The following HPS3 variants were observed in gnomAD, a reference collection of about 807,000 sequenced individuals.
The protein encoded by HPS3 is BLOC-2 complex member HPS3.
In HPS3, 79 loss-of-function variants were observed where a neutral mutation model predicts 110.9. The ratio of observed to expected loss-of-function variants is 0.71; its 90% CI spans 0.59 to 0.86. The LOEUF is 0.86. Among genes scored for constraint, HPS3 ranks in the 40% least tolerant of loss-of-function variants. The pLI is 0.00. For synonymous variants in HPS3, 428 were observed against 451.0 expected (o/e 0.95, Z 0.65); for missense variants, 1,197 against 1,206.2 (o/e 0.99, Z 0.11).
intron 6 of HPS3, among the ~76,000 whole-genome samples, chr3:149,151,172 T>G (rs1446384191): frequency 6.8e-6 from 1 of 147,336 alleles, no homozygotes; most frequent in African/African-American, 2.5e-5. Flanking sequence ...CATGCCCTGC[T>G]GATTCTTTTT....
At chr3:149,142,933 C>T (rs1466167886) in intron 4 of HPS3, among the ~76,000 whole-genome samples, 1 of 152,108 alleles carries the variant, frequency 6.6e-6, no homozygotes, top group Admixed American at 6.5e-5. Context: ...GAATTGGACT[C>T]ACTTGGGAAT....
chr3:149,153,368 T>G, intron 6 of HPS3, 126 bp from the exon 7 acceptor site: 1 of 797,172 alleles, frequency 1.3e-6, no homozygotes, highest in Non-Finnish European at 2.1e-6. Context: ...TTGTTTGTTT[T>G]TTGGTGGTGG....
chr3:149,154,166 C>A, intron 7 of HPS3: 1 of 155,678 alleles, frequency 6.4e-6, no homozygotes, highest in Non-Finnish European at 1.4e-5. Flanking sequence ...TAGGTTTCTG[C>A]TTTCCCATTG....
intron 16 of HPS3, among the ~76,000 whole-genome samples, chr3:149,169,038 C>CGTGTGTGT (rs34076994): frequency 0.031 from 4,599 of 149,768 alleles, 222 homozygotes; most frequent in African/African-American, 0.11. Flanking sequence ...TGTGTGCATA[C>CGTGTGTGT]GTGTGTGTGT....
At chr3:149,157,652 T>C in intron 9 of HPS3, 121 bp downstream of exon 9, 1 of 889,326 alleles carries the variant, frequency 1.1e-6, no homozygotes, top group Non-Finnish European at 1.8e-6. Flanking sequence ...TATTCCCTTC[T>C]TCCACAAGCA....
At position 149,172,183 on chromosome 3, in the gene HPS3, A is replaced by AT; in HGVS notation, c.2977dup (p.Tyr993LeufsTer25). ...ATGGTACTGCAACATTTTTCTTGCC[A>AT]TATCTTCTCTATTGCAGTCGAAAGA... On this transcript the variant is annotated frameshift_variant, in exon 17 of 17. Transcript: ENST00000296051. LOFTEE classifies it high-confidence loss of function. The AT allele has an allele frequency of 6.2e-7, 1 of 1,613,716 alleles. No individual in the cohort carries two copies. The highest frequency in any genetic ancestry group is 8.5e-7 in the Non-Finnish European group (1 of 1,179,676).
At chr3:149,151,338 G>A (rs1472461032) in intron 6 of HPS3, among the ~76,000 whole-genome samples, 1 of 151,540 alleles carries the variant, frequency 6.6e-6, no homozygotes, top group Non-Finnish European at 1.5e-5. Flanking sequence ...TGGCCCAATT[G>A]TATTTTACTA....
At chr3:149,147,666 G>C (rs1484381876) in intron 5 of HPS3, among the ~76,000 whole-genome samples, 1 of 152,078 alleles carries the variant, frequency 6.6e-6, no homozygotes, top group Non-Finnish European at 1.5e-5. Flanking sequence ...TACATATTTG[G>C]AGTGTAGAGC....
In HPS3 at chr3:149,167,017, C is replaced by G; in HGVS notation, c.2590-17C>G. 6.3e-7 allele frequency: 1 copy of G among 1,591,998 alleles called. No homozygotes were observed. ...TGAGGTGCCTCATTTCATAACATTTCACTTTTCTGTTCATAGTCTCTTATA... is the reference window on the plus strand; with the variant it reads ...TGAGGTGCCTCATTTCATAACATTTGACTTTTCTGTTCATAGTCTCTTATA... On this transcript the variant is annotated splice_polypyrimidine_tract_variant and intron_variant, in intron 14 of 16. Coordinates refer to ENST00000296051, the MANE Select transcript of HPS3 (RefSeq NM_032383.5).
At chr3:149,150,397 G>A (rs1250080792) in intron 5 of HPS3, among the ~76,000 whole-genome samples, 1 of 152,156 alleles carries the variant, frequency 6.6e-6, no homozygotes, top group Non-Finnish European at 1.5e-5. Flanking sequence ...GTGTTATGGG[G>A]ACCAGTTGTA....
chr3:149,133,878 C>T lies in HPS3; in HGVS notation c.217+3938C>T, dbSNP rs144146474. Among the ~76,000 whole-genome samples, 1,508 of 151,962 alleles carry T rather than the reference C, an allele frequency of 9.9e-3. 11 individuals carry two copies. Among genetic ancestry groups the T allele is most frequent in the African/African-American group, 0.035 (1,456 of 41,424 alleles). ...CTAGTACAAACATAACTTTTTTATG[C>T]ACTGGGAAACCAAAAAATTTATGTG... is the stretch of plus-strand genomic sequence containing the variant. On this transcript the variant is annotated intron_variant, in intron 1 of 16. Coordinates refer to ENST00000296051, the MANE Select transcript of HPS3 (RefSeq NM_032383.5).
chr3:149,170,485 G>C (rs1724867972), intron 16 of HPS3: 1 of 152,180 alleles, frequency 6.6e-6, no homozygotes, highest in Non-Finnish European at 1.5e-5. Flanking sequence ...ATTTTCACGG[G>C]AACTGTGGAA....
At chr3:149,135,714 G>A (rs1006541925) in intron 1 of HPS3, among the ~76,000 whole-genome samples, 1 of 152,048 alleles carries the variant, frequency 6.6e-6, no homozygotes, top group African/African-American at 2.4e-5. Context: ...GAAAGACCTG[G>A]TGGCCAGGGT....
intron 1 of HPS3, among the ~76,000 whole-genome samples, chr3:149,131,324 TC>T (rs1281266486): frequency 9.9e-5 from 15 of 152,022 alleles, no homozygotes; most frequent in Admixed American, 9.8e-4. Context: ...CGTGTTTTTT[TC>T]TCCCCAATTG....
intron 5 of HPS3, among the ~76,000 whole-genome samples, chr3:149,149,967 A>T (rs1454475955): frequency 6.6e-6 from 1 of 152,048 alleles, no homozygotes; most frequent in East Asian, 1.9e-4. Context: ...GAGACCTGGG[A>T]TCTAATTGGC....
chr3:149,154,261 C>G (rs1239206225), intron 7 of HPS3: 1 of 152,550 alleles, frequency 6.6e-6, no homozygotes, highest in Non-Finnish European at 1.5e-5. Context: ...AATCTAATTT[C>G]TCTAAGGAAA....
intron 11 of HPS3, among the ~76,000 whole-genome samples, chr3:149,161,817 A>AT (rs1166265497): frequency 2.6e-5 from 4 of 152,098 alleles, no homozygotes; most frequent in African/African-American, 9.7e-5. Flanking sequence ...GCCATCCCGA[A>AT]TATTTTTGAT....
At chr3:149,168,884 C>T (rs546716234) in intron 16 of HPS3, among the ~76,000 whole-genome samples, 17 of 152,250 alleles carry the variant, frequency 1.1e-4, no homozygotes, top group Admixed American at 9.8e-4. Context: ...AGACATCCCA[C>T]ATCTTTACAC....
In HPS3 at chr3:149,160,173, A is replaced by G. The variant is rs1201029834; in HGVS notation, c.2000A>G (p.Asp667Gly). ...LTAMSYLRKLDTSGFSSILVT... is the reference protein window; with the variant it reads ...LTAMSYLRKLGTSGFSSILVT... ...GCCATGAGCTATCTAAGGAAGCTGG[A>G]TACTTCTGGGTTTTCATCGATCTTA... Residue 667 changes from aspartate to glycine, a missense_variant, in exon 11 of 17, where the codon GAT (aspartate) becomes GGT (glycine). Coordinates refer to ENST00000296051, the MANE Select transcript of HPS3 (RefSeq NM_032383.5). 3 of 1,613,952 alleles carry G rather than the reference A, an allele frequency of 1.9e-6. No homozygotes were observed. The highest frequency in any genetic ancestry group is 2.5e-6 in the Non-Finnish European group (3 of 1,179,864).
Sources: allele counts gnomAD v4.1 joint callset (sites outside exome capture counted in the v4.1 genomes callset), GRCh38; gene constraint gnomAD v4.1.1; transcripts MANE v1.5; gene names NCBI Gene and HGNC (gene_info 2026-07-23, HGNC 2026-07-21).